TLL1: variants seen among roughly 807,000 people sequenced by gnomAD.
The protein encoded by TLL1 is tolloid like 1.
TLL1 carries 49 observed loss-of-function variants against 128.2 expected under a neutral mutation model. The ratio of observed to expected loss-of-function variants is 0.38; its 90% CI spans 0.30 to 0.48. TLL1 has a LOEUF of 0.48. Among genes scored for constraint, TLL1 ranks in the 20% least tolerant of loss-of-function variants. The pLI is 0.96. For synonymous variants in TLL1, 454 were observed against 418.8 expected (o/e 1.08, Z -1.03); for missense variants, 1,123 against 1,242.0 (o/e 0.90, Z 1.44).
chr4:166,096,350 G>A (rs2111164222), intron 19 of TLL1, among the ~76,000 whole-genome samples: 1 of 148,908 alleles, frequency 6.7e-6, no homozygotes, highest in African/African-American at 2.6e-5. Context: ...ACCGGGGGCG[G>A]GGGGAACTTC....
chr4:165,967,265 A>G (rs970223208), intron 1 of TLL1, among the ~76,000 whole-genome samples: 2 of 152,164 alleles, frequency 1.3e-5, no homozygotes, highest in African/African-American at 4.8e-5. Context: ...TATTGTTCAA[A>G]CACACATGCT....
intron 7 of TLL1, among the ~76,000 whole-genome samples, chr4:166,012,239 G>A (rs1474182140): frequency 5.3e-5 from 8 of 151,534 alleles, no homozygotes; most frequent in Non-Finnish European, 1.2e-4. Context: ...TCTGCCTATT[G>A]ATAGTGGCTC....
At position 165,897,662 on chromosome 4, in the gene TLL1, C is replaced by CTTT. The variant is rs951819686; in HGVS notation, c.169+23611_169+23613dup. 4.9e-3 allele frequency among the ~76,000 whole-genome samples: 232 copies of CTTT among 47,548 alleles called. 19 individuals are homozygous for CTTT. Among genetic ancestry groups the CTTT allele is most frequent in the African/African-American group, 0.016 (176 of 11,154 alleles). 31.2% of individuals were successfully genotyped at this position (47,548 alleles called of 152,430 possible). On this transcript the variant is annotated intron_variant, in intron 1 of 20. Transcript: ENST00000061240. ...TATAGTTTGAAGTCAGGTAGTCCAGCTTTTTTTTTTTTTTTTTTTTTTTTG... is the reference window on the plus strand; with the variant it reads ...TATAGTTTGAAGTCAGGTAGTCCAGCTTTTTTTTTTTTTTTTTTTTTTTTTTTG...
chr4:165,982,935 C>T (rs192173064), intron 1 of TLL1, among the ~76,000 whole-genome samples: 86 of 151,890 alleles, frequency 5.7e-4, no homozygotes, highest in African/African-American at 2.0e-3. Flanking sequence ...TTGCCCTGTC[C>T]TTACAAAATA....
At chr4:165,955,626 G>A (rs937687042) in intron 1 of TLL1, among the ~76,000 whole-genome samples, 3 of 152,070 alleles carry the variant, frequency 2.0e-5, no homozygotes, top group South Asian at 4.1e-4. Context: ...AGAGACTGGG[G>A]ACCTATATTC....
Position 166,025,296 on chromosome 4 carries a change from A to G in TLL1, c.1043-20A>G, listed in dbSNP as rs1463038945. 6.7e-7 allele frequency: 1 copy of G among 1,489,120 alleles called. No individual in the cohort carries two copies. The highest frequency in any genetic ancestry group is 9.4e-7 in the Non-Finnish European group (1 of 1,066,604). The allele number at this position is 1,489,120 out of a possible 1,614,324, so 92.2% of individuals were successfully genotyped here. ...TTTATATAAATTAACCAATGATCTT[A>G]TATATTTTTTTCCTTTCAGCATGTG... On this transcript the variant is annotated intron_variant, in intron 8 of 20. Transcript: ENST00000061240.
At chr4:165,947,624 G>A (rs1350826422) in intron 1 of TLL1, among the ~76,000 whole-genome samples, 1 of 152,104 alleles carries the variant, frequency 6.6e-6, no homozygotes, top group Non-Finnish European at 1.5e-5. Context: ...GAAATCTCAA[G>A]AGAGATTAAA....
intron 16 of TLL1, among the ~76,000 whole-genome samples, chr4:166,070,895 G>C (rs1740784274): frequency 6.6e-6 from 1 of 151,892 alleles, no homozygotes; most frequent in East Asian, 1.9e-4. Flanking sequence ...CACACAGTAA[G>C]ACAACTACAA....
chr4:165,931,947 A>G (rs529536743), intron 1 of TLL1, among the ~76,000 whole-genome samples: 1 of 152,184 alleles, frequency 6.6e-6, no homozygotes, highest in Admixed American at 6.5e-5. Flanking sequence ...CGAGTGACTC[A>G]GAATTTGGTT....
intron 16 of TLL1, among the ~76,000 whole-genome samples, chr4:166,074,031 C>T (rs949316299): frequency 2.6e-5 from 4 of 151,948 alleles, no homozygotes; most frequent in African/African-American, 7.3e-5. Flanking sequence ...AGCTATGGAA[C>T]GACAGATGAG....
At chr4:166,024,038 C>A (rs1184351566) in intron 8 of TLL1, among the ~76,000 whole-genome samples, 1 of 151,994 alleles carries the variant, frequency 6.6e-6, no homozygotes, top group Non-Finnish European at 1.5e-5. Context: ...TCTAAGACTT[C>A]TTTTAACCTT....
At chr4:165,942,116 G>T (rs1310902663) in intron 1 of TLL1, among the ~76,000 whole-genome samples, 1 of 151,986 alleles carries the variant, frequency 6.6e-6, no homozygotes, top group African/African-American at 2.4e-5. Flanking sequence ...TCTTCATCAG[G>T]AACATTTTGC....
At chr4:165,915,970 A>G (rs1418938872) in intron 1 of TLL1, among the ~76,000 whole-genome samples, 1 of 152,244 alleles carries the variant, frequency 6.6e-6, no homozygotes, top group Non-Finnish European at 1.5e-5. Flanking sequence ...TGCCTTAGGC[A>G]TAATAAACAA....
At chr4:166,066,987 G>T (rs1740603480) in intron 16 of TLL1, among the ~76,000 whole-genome samples, 1 of 151,632 alleles carries the variant, frequency 6.6e-6, no homozygotes, top group African/African-American at 2.4e-5. Flanking sequence ...TAGAGACAAG[G>T]TTACTTATCT....
At chr4:165,958,868 C>T (rs1734948467) in intron 1 of TLL1, among the ~76,000 whole-genome samples, 2 of 142,696 alleles carry the variant, frequency 1.4e-5, no homozygotes, top group African/African-American at 5.4e-5. Flanking sequence ...GTCTTTAATC[C>T]ATCTTGAATT....
intron 7 of TLL1, among the ~76,000 whole-genome samples, chr4:166,011,309 T>A (rs1737686398): frequency 6.6e-6 from 1 of 151,494 alleles, no homozygotes; most frequent in African/African-American, 2.4e-5. Context: ...TTGTCTCTTC[T>A]TTAATTTCTT....
intron 1 of TLL1, among the ~76,000 whole-genome samples, chr4:165,908,446 G>A (rs12512407): frequency 0.2 from 30,391 of 151,808 alleles, 3,830 homozygotes; most frequent in East Asian, 0.41. Flanking sequence ...ATCCAGGTGC[G>A]GTGACATTTG....
At position 165,873,715 on chromosome 4, in the gene TLL1, CA is replaced by C; in HGVS notation, c.-189del. On this transcript the variant is annotated 5_prime_UTR_variant, in exon 1 of 21. Coordinates refer to ENST00000061240, the MANE Select transcript of TLL1 (RefSeq NM_012464.5). ...AACTTCTCCCTGCGACTGGGGGTAA[CA>C]GGCAGTGCTTGCCCTCTCTACTGTC... 1.7e-6 allele frequency: 1 copy of C among 598,128 alleles called. No homozygotes were observed. Among genetic ancestry groups the C allele is most frequent in the Non-Finnish European group, 2.9e-6 (1 of 339,024 alleles). The allele number at this position is 598,128 out of a possible 1,614,324, so 37.1% of individuals were successfully genotyped here. A position where few individuals can be genotyped will look rare whatever the true frequency, so the allele number is the denominator to read the frequency against.
At chr4:166,031,466 C>T (rs1738766653) in intron 9 of TLL1, among the ~76,000 whole-genome samples, 1 of 142,086 alleles carries the variant, frequency 7.0e-6, no homozygotes, top group South Asian at 2.3e-4. Context: ...CTTCTCAGTT[C>T]AAGCAATTCT....
Sources: gnomAD v4.1 joint callset for allele counts (sites outside exome capture counted in the v4.1 genomes callset) on GRCh38, gnomAD v4.1.1 for gene constraint, MANE v1.5 for transcripts, NCBI Gene and HGNC (gene_info 2026-07-23, HGNC 2026-07-21) for gene names.